The following AUH variants were observed in gnomAD, a reference collection of about 807,000 sequenced individuals.
AUH encodes the protein methylglutaconyl-CoA hydratase, mitochondrial.
In AUH, 29 loss-of-function variants were observed where a neutral mutation model predicts 42.3. That is an observed-to-expected ratio of 0.69 (90% CI 0.51 to 0.93). The LOEUF (loss-of-function observed/expected upper bound fraction) is 0.93, where lower values mean the gene tolerates loss of function less well. Among genes scored for constraint, AUH ranks in the 40% least tolerant of loss-of-function variants. The pLI, the probability that AUH is intolerant of heterozygous loss-of-function variation, is 0.00. For synonymous variants in AUH, 174 were observed against 166.4 expected, an observed-to-expected ratio of 1.05 and a Z score of -0.35; for missense variants, 452 against 438.1, an observed-to-expected ratio of 1.03 and a Z score of -0.28.
chr9:91,339,156 G>A (rs749802347), intron 3 of AUH, among the ~76,000 whole-genome samples: 1 of 152,102 alleles, frequency 6.6e-6, no homozygotes, highest in African/African-American at 2.4e-5. Flanking sequence ...CTTGCAATGG[G>A]GTTATATCCC....
chr9:91,293,951 T>G (rs1437722878), intron 6 of AUH, among the ~76,000 whole-genome samples: 2 of 152,220 alleles, frequency 1.3e-5, no homozygotes, highest in Non-Finnish European at 2.9e-5. Flanking sequence ...ATTCCCAAAC[T>G]TCTAGAGCCC....
intron 6 of AUH, among the ~76,000 whole-genome samples, chr9:91,252,241 G>A (rs758794343): frequency 6.6e-6 from 1 of 151,862 alleles, no homozygotes; most frequent in Non-Finnish European, 1.5e-5. Context: ...CTGGGAATAC[G>A]GACTTGAGCC....
intron 4 of AUH, among the ~76,000 whole-genome samples, chr9:91,311,405 C>G (rs1828691553): frequency 6.6e-6 from 1 of 152,132 alleles, no homozygotes; most frequent in Non-Finnish European, 1.5e-5. Flanking sequence ...GTTATGAATG[C>G]TGGCATTTTA....
chr9:91,256,058 A>T (rs1354890923), intron 6 of AUH, among the ~76,000 whole-genome samples: 3 of 152,172 alleles, frequency 2.0e-5, no homozygotes, highest in Non-Finnish European at 4.4e-5. Flanking sequence ...TTATCTTAGA[A>T]ACAACAAAGA....
intron 4 of AUH, 112 bp downstream of exon 4, chr9:91,325,206 T>C: frequency 1.2e-6 from 1 of 834,014 alleles, no homozygotes; most frequent in East Asian, 2.8e-5. Flanking sequence ...TAGGTCATGA[T>C]TATCTAATTA....
rs1294843019 is a variant in AUH, at chr9:91,361,893, G to C, written c.-4C>G. 6.8e-7 allele frequency: 1 copy of C among 1,462,352 alleles called. No individual in the cohort carries two copies. The highest frequency in any genetic ancestry group is 9.0e-7 in the Non-Finnish European group (1 of 1,113,344). 90.6% of individuals were successfully genotyped at this position (1,462,352 alleles called of 1,614,324 possible). A position where few individuals can be genotyped will look rare whatever the true frequency, so the allele number is the denominator to read the frequency against. On this transcript the variant is annotated 5_prime_UTR_variant, in exon 1 of 10. Transcript: ENST00000375731. ...CCGCCGCCACCGCGGCCGCCATGTT[G>C]TCTGTTTACGGCGTGGACCTGCGAC...
At chr9:91,242,563 C>T (rs546915034) in intron 6 of AUH, among the ~76,000 whole-genome samples, 4 of 152,146 alleles carry the variant, frequency 2.6e-5, no homozygotes, top group Admixed American at 6.5e-5. Context: ...AAAAACACAC[C>T]GTACTTGCCA....
chr9:91,214,333 G>T lies in AUH; in HGVS notation c.*15C>A. ...TACATTTATTACATTGGCATCTTAA[G>T]AATTTCTGTTCCTTTTATTCTCCTT... On this transcript the variant is annotated 3_prime_UTR_variant, in exon 10 of 10. Coordinates refer to ENST00000375731, the MANE Select transcript of AUH (RefSeq NM_001698.3). The T allele has an allele frequency of 6.3e-7, 1 of 1,594,244 alleles. No individual in the cohort carries two copies.
chr9:91,258,238 T>A (rs1420708999), intron 6 of AUH, among the ~76,000 whole-genome samples: 1 of 152,226 alleles, frequency 6.6e-6, no homozygotes, highest in Non-Finnish European at 1.5e-5. Flanking sequence ...TTTTCTTTTT[T>A]CTTTTTGAGA....
intron 6 of AUH, among the ~76,000 whole-genome samples, chr9:91,278,967 G>A (rs949281024): frequency 6.6e-6 from 1 of 152,136 alleles, no homozygotes; most frequent in African/African-American, 2.4e-5. Context: ...AATCTTCAGT[G>A]ACAGAAAGCA....
intron 6 of AUH, among the ~76,000 whole-genome samples, chr9:91,247,957 C>G (rs1564028006): frequency 6.6e-6 from 1 of 152,148 alleles, no homozygotes; most frequent in Non-Finnish European, 1.5e-5. Flanking sequence ...TTCTTCTATT[C>G]TGGAGCTCGT....
chr9:91,348,369 G>T (rs1253364953), intron 3 of AUH, among the ~76,000 whole-genome samples: 2 of 152,096 alleles, frequency 1.3e-5, no homozygotes, highest in African/African-American at 4.8e-5. Context: ...TAAACACACA[G>T]GATAAAACCA....
At chr9:91,234,472 A>G (rs965951349) in intron 6 of AUH, among the ~76,000 whole-genome samples, 2 of 152,104 alleles carry the variant, frequency 1.3e-5, no homozygotes, top group African/African-American at 4.8e-5. Context: ...GACTTACAAT[A>G]AATTTCCTTT....
rs1401358414 is a variant in AUH, at chr9:91,260,862, GTCT to G, written c.655+35156_655+35158del. Reference sequence around the variant, plus strand: ...TGGTTTCCACGGTGTCTATTTCTGTGTCTTCAGATTCACTAAACTTTTCTTCTA... The same window carrying G: ...TGGTTTCCACGGTGTCTATTTCTGTGTCAGATTCACTAAACTTTTCTTCTA... On this transcript the variant is annotated intron_variant, in intron 6 of 9. Coordinates refer to ENST00000375731, the MANE Select transcript of AUH (RefSeq NM_001698.3). 3.9e-5 allele frequency among the ~76,000 whole-genome samples: 6 copies of G among 151,958 alleles called. No homozygotes were observed. In the East Asian group the frequency reaches 1.2e-3, roughly 29 times the overall value.
At chr9:91,311,170 G>A (rs1377496705) in intron 4 of AUH, among the ~76,000 whole-genome samples, 1 of 152,086 alleles carries the variant, frequency 6.6e-6, no homozygotes, top group African/African-American at 2.4e-5. Flanking sequence ...AATATGGACA[G>A]TAGATTTTCA....
chr9:91,268,753 A>G (rs1403905648), intron 6 of AUH, among the ~76,000 whole-genome samples: 1 of 151,798 alleles, frequency 6.6e-6, no homozygotes. Flanking sequence ...TTTAAAACCC[A>G]TAATACTTCT....
intron 6 of AUH, among the ~76,000 whole-genome samples, chr9:91,268,845 C>G (rs990551674): frequency 3.9e-5 from 6 of 152,136 alleles, no homozygotes; most frequent in Non-Finnish European, 7.3e-5. Context: ...TGTGATGCTT[C>G]TAAATATATT....
At chr9:91,348,522 C>G (rs566403695) in intron 3 of AUH, among the ~76,000 whole-genome samples, 1 of 152,024 alleles carries the variant, frequency 6.6e-6, no homozygotes, top group Non-Finnish European at 1.5e-5. Context: ...ATAAACAAAC[C>G]GTGAAACAGT....
intron 6 of AUH, among the ~76,000 whole-genome samples, chr9:91,248,915 G>A (rs1042360449): frequency 1.3e-5 from 2 of 152,108 alleles, no homozygotes; most frequent in African/African-American, 4.8e-5. Context: ...TTTGGCTCAC[G>A]GTCAACACTG....
Sources: allele counts gnomAD v4.1 joint callset (sites outside exome capture counted in the v4.1 genomes callset), GRCh38; gene constraint gnomAD v4.1.1; transcripts MANE v1.5; gene names NCBI Gene and HGNC (gene_info 2026-07-23, HGNC 2026-07-21).